The following RBFOX3 variants were observed in gnomAD, a reference collection of about 807,000 sequenced individuals.
RBFOX3 encodes the protein RNA binding protein fox-1 homolog 3.
A neutral mutation model predicts 48.7 loss-of-function variants in RBFOX3; 17 were observed. That is an observed-to-expected ratio of 0.35 (90% confidence interval 0.24 to 0.52). The LOEUF is 0.52. RBFOX3 is among the 20% of genes least tolerant of loss of function. The probability of loss-of-function intolerance (pLI) is 0.94; values close to 1 mark genes in which losing one functional copy is unlikely to be tolerated. For missense variants in RBFOX3, 382 were observed against 497.5 expected (o/e 0.77, Z 2.21); for synonymous variants, 212 against 209.5 (o/e 1.01, Z -0.10).
chr17:79,638,305 T>G, the RBFOX3 span, among the ~76,000 whole-genome samples: 1 of 72,476 alleles, frequency 1.4e-5, no homozygotes, highest in South Asian at 4.5e-4. Flanking sequence ...ACTGAGTTGG[T>G]TTTTTTTTTT....
chr17:79,187,028 A>C (rs1034450571), intron 4 of RBFOX3, among the ~76,000 whole-genome samples: 11 of 152,182 alleles, frequency 7.2e-5, no homozygotes, highest in African/African-American at 2.4e-4. Context: ...TTCAGTGTGT[A>C]CCTCTGTGAA....
At chr17:79,379,979 A>G (rs1376929971) in intron 2 of RBFOX3, among the ~76,000 whole-genome samples, 1 of 151,976 alleles carries the variant, frequency 6.6e-6, no homozygotes, top group East Asian at 1.9e-4. Context: ...CTGTCCGCAC[A>G]TCCCCGGCTC....
chr17:79,238,360 G>A (rs1346819242), intron 3 of RBFOX3, among the ~76,000 whole-genome samples: 1 of 152,256 alleles, frequency 6.6e-6, no homozygotes, highest in Non-Finnish European at 1.5e-5. Flanking sequence ...TCTGAAGCCA[G>A]GTCCAGAGCC....
chr17:79,612,481 C>T (rs1292822181), upstream of RBFOX3, among the ~76,000 whole-genome samples: 1 of 152,182 alleles, frequency 6.6e-6, no homozygotes, highest in Non-Finnish European at 1.5e-5. Flanking sequence ...GCTGCCCCCC[C>T]TGCAGGGCAG....
Position 79,362,591 on chromosome 17 carries a change from C to G in RBFOX3, c.-174-54767G>C, listed in dbSNP as rs1003870081. Among the ~76,000 whole-genome samples, 1 of 152,154 alleles carries G rather than the reference C, an allele frequency of 6.6e-6. No individual in the cohort carries two copies. The highest frequency in any genetic ancestry group is 1.5e-5 in the Non-Finnish European group (1 of 68,018). On this transcript the variant is annotated intron_variant, in intron 2 of 14. Coordinates refer to ENST00000693108, the MANE Select transcript of RBFOX3 (RefSeq NM_001350451.2). The surrounding 1 kb of genome is among the most constrained non-coding windows in gnomAD (Gnocchi z 4.2). ...CCTTTATGTCCCGCGTGTGAGGGGCCCAGAGGCCTCTTTGCAAAGCTTGAA... is the reference window on the plus strand; with the variant it reads ...CCTTTATGTCCCGCGTGTGAGGGGCGCAGAGGCCTCTTTGCAAAGCTTGAA...
At chr17:79,575,199 CAATTAGTTATG>C (rs2092817711) in intron 1 of RBFOX3, among the ~76,000 whole-genome samples, 1 of 152,136 alleles carries the variant, frequency 6.6e-6, no homozygotes, top group African/African-American at 2.4e-5. Flanking sequence ...GCACACCCAG[CAATTAGTTATG>C]AATTACAGCA....
chr17:79,236,572 G>T (rs866559111), intron 3 of RBFOX3, among the ~76,000 whole-genome samples: 10 of 152,170 alleles, frequency 6.6e-5, no homozygotes, highest in South Asian at 6.2e-4. Context: ...TGTTATTAAA[G>T]AAAAGTTATT....
chr17:79,301,076 C>G (rs1317797366), intron 3 of RBFOX3, among the ~76,000 whole-genome samples: 1 of 152,210 alleles, frequency 6.6e-6, no homozygotes, highest in East Asian at 1.9e-4. Context: ...GTCACTGCAC[C>G]TCGGCAGTTT....
chr17:79,328,043 G>T (rs958956148), intron 2 of RBFOX3, among the ~76,000 whole-genome samples: 2 of 152,176 alleles, frequency 1.3e-5, no homozygotes, highest in African/African-American at 4.8e-5. Flanking sequence ...ACCTGACCTT[G>T]CTCTGGGCAA....
At chr17:79,275,777 G>A (rs540204553) in intron 3 of RBFOX3, among the ~76,000 whole-genome samples, 1 of 152,228 alleles carries the variant, frequency 6.6e-6, no homozygotes, top group Non-Finnish European at 1.5e-5. Flanking sequence ...TCAGGAAGCA[G>A]GAGGCCCTCG....
At chr17:79,521,583 A>C (rs1403619241) in intron 1 of RBFOX3, among the ~76,000 whole-genome samples, 1 of 151,128 alleles carries the variant, frequency 6.6e-6, no homozygotes, top group Non-Finnish European at 1.5e-5. Flanking sequence ...CTCCACAGAC[A>C]TACACATTCA....
intron 3 of RBFOX3, among the ~76,000 whole-genome samples, chr17:79,291,731 C>T (rs1217923051): frequency 6.6e-6 from 1 of 152,182 alleles, no homozygotes. Context: ...AGAGCCCCTG[C>T]GTTCACAGAA....
rs558525096 is a variant in RBFOX3, at chr17:79,416,600, G to A, written c.-175+65854C>T. On this transcript the variant is annotated intron_variant, in intron 2 of 14. Coordinates refer to ENST00000693108, the MANE Select transcript of RBFOX3 (RefSeq NM_001350451.2). ...CCACGGGGGCCAGCAGGTGAACCCT[G>A]GGGCCAATCCCAGTAGCCTCCTGTG... 6.6e-5 allele frequency among the ~76,000 whole-genome samples: 10 copies of A among 152,336 alleles called. No homozygotes were observed. In the South Asian group the frequency reaches 2.1e-3, roughly 32 times the overall value.
intron 2 of RBFOX3, among the ~76,000 whole-genome samples, chr17:79,342,823 G>A (rs1301930859): frequency 6.6e-6 from 1 of 152,198 alleles, no homozygotes; most frequent in Non-Finnish European, 1.5e-5. Context: ...AGGAAAACTA[G>A]GGTGAAGAGA....
intron 4 of RBFOX3, among the ~76,000 whole-genome samples, chr17:79,128,293 T>C (rs1315633389): frequency 3.9e-5 from 6 of 152,142 alleles, no homozygotes; most frequent in African/African-American, 1.4e-4. Context: ...GGATCCCCCA[T>C]GTGTGGATGA....
At chr17:79,248,762 C>T (rs2063519274) in intron 3 of RBFOX3, among the ~76,000 whole-genome samples, 1 of 152,184 alleles carries the variant, frequency 6.6e-6, no homozygotes, top group Non-Finnish European at 1.5e-5. Flanking sequence ...AATGGGGGTC[C>T]CCGTTGACTC....
chr17:79,379,983 C>T (rs1205638439), intron 2 of RBFOX3, among the ~76,000 whole-genome samples: 1 of 152,166 alleles, frequency 6.6e-6, no homozygotes, highest in Non-Finnish European at 1.5e-5. Flanking sequence ...CCGCACATCC[C>T]CGGCTCTGCT....
At chr17:79,176,856 A>G (rs2050665463) in intron 4 of RBFOX3, among the ~76,000 whole-genome samples, 1 of 152,200 alleles carries the variant, frequency 6.6e-6, no homozygotes, top group African/African-American at 2.4e-5. Flanking sequence ...TCTAGGGGCC[A>G]CAGCTGATCA....
intron 1 of RBFOX3, among the ~76,000 whole-genome samples, chr17:79,563,502 T>C (rs2092335790): frequency 6.6e-6 from 1 of 152,258 alleles, no homozygotes. Context: ...ATGGCATGAT[T>C]TAAAGGAGTG....
Sources: allele counts gnomAD v4.1 joint callset (sites outside exome capture counted in the v4.1 genomes callset), GRCh38; gene constraint gnomAD v4.1.1; non-coding constraint Gnocchi (gnomAD v3.1); transcripts MANE v1.5; gene names NCBI Gene and HGNC (gene_info 2026-07-23, HGNC 2026-07-21).